The following HNF1A variants were observed in gnomAD, a reference collection of about 807,000 sequenced individuals.
HNF1A encodes the protein HNF1 homeobox A.
A neutral mutation model predicts 62.2 loss-of-function variants in HNF1A; 21 were observed. The ratio of observed to expected loss-of-function variants is 0.34; its 90% confidence interval spans 0.24 to 0.49. The LOEUF is 0.49. HNF1A is among the 20% of genes least tolerant of loss of function. The pLI, the probability that HNF1A is intolerant of heterozygous loss-of-function variation, is 0.99. For synonymous variants in HNF1A, 374 were observed against 366.8 expected (o/e 1.02, Z -0.22); for missense variants, 687 against 832.3 (o/e 0.83, Z 2.15).
At chr12:120,993,426 T>C in intron 2 of HNF1A, 94 bp from the exon 3 acceptor site, 1 of 1,264,154 alleles carries the variant, frequency 7.9e-7, no homozygotes, top group Non-Finnish European at 1.1e-6. Flanking sequence ...TTCAGCGCCA[T>C]GGCAATGAGA....
At position 120,997,360 on chromosome 12, in the gene HNF1A, C is replaced by T. The variant is rs1877161598; in HGVS notation, c.1310-114C>T. The T allele has an allele frequency of 4.4e-6, 6 of 1,349,910 alleles. 1 individual carries two copies. The South Asian group carries it at 8.9e-5, about 20-fold the overall frequency. 83.6% of individuals were successfully genotyped at this position (1,349,910 alleles called of 1,614,324 possible). On this transcript the variant is annotated intron_variant, in intron 6 of 9. Transcript: ENST00000257555. ...GGAGGGCTGTTTCCTGACCACCCTG[C>T]CCCCTCCTCCAAACCACGGGCTCTG... is the stretch of plus-strand genomic sequence containing the variant.
At chr12:120,989,966 C>G (rs974257214) in intron 2 of HNF1A, among the ~76,000 whole-genome samples, 1 of 152,022 alleles carries the variant, frequency 6.6e-6, no homozygotes, top group Non-Finnish European at 1.5e-5. Context: ...GTCAGGAAAT[C>G]CTCCACTGCA....
At chr12:120,979,431 A>G (rs907581595) in intron 1 of HNF1A, among the ~76,000 whole-genome samples, 3 of 152,042 alleles carry the variant, frequency 2.0e-5, no homozygotes, top group African/African-American at 7.2e-5. Context: ...GGTGGTGGAA[A>G]TTTTTAGCCA....
At chr12:120,985,026 G>A (rs1876439722) in intron 1 of HNF1A, among the ~76,000 whole-genome samples, 2 of 149,268 alleles carry the variant, frequency 1.3e-5, no homozygotes, top group African/African-American at 5.0e-5. Flanking sequence ...GCTCATTGCA[G>A]CCCCGACCTC....
intron 1 of HNF1A, among the ~76,000 whole-genome samples, chr12:120,984,266 G>A (rs1456519906): frequency 6.6e-6 from 1 of 152,136 alleles, no homozygotes; most frequent in Non-Finnish European, 1.5e-5. Flanking sequence ...GGTTGCACAT[G>A]TATTTGTGCA....
intron 4 of HNF1A, among the ~76,000 whole-genome samples, chr12:120,994,725 C>T (rs1457261713): frequency 1.3e-5 from 2 of 151,158 alleles, no homozygotes; most frequent in African/African-American, 2.4e-5. Context: ...CACTCCACTC[C>T]GTCCAACTTC....
Position 120,993,579 on chromosome 12 carries a change from A to G in HNF1A, c.586A>G (p.Thr196Ala), listed in dbSNP as rs139712739. The G allele has an allele frequency of 3.6e-4, 580 of 1,614,072 alleles. 1 individual carries two copies. The highest frequency in any genetic ancestry group is 4.5e-4 in the Non-Finnish European group (530 of 1,180,032). The change falls in exon 3 of 10, where the codon ACC (threonine) becomes GCC (alanine). Residue 196 changes from threonine to alanine, a missense_variant. This residue lies in a region of HNF1A where 47 missense variants were observed against 52.5 expected (regional missense o/e 0.90). Transcript: ENST00000257555. ...AGAGCCCACAGGTGATGAGCTACCA[A>G]CCAAGAAGGGGCGGAGGAACCGTTT... ...IEEPTGDELP[T>A]KKGRRNRFKW...
At chr12:120,984,343 T>TGAGA (rs1555210849) in intron 1 of HNF1A, among the ~76,000 whole-genome samples, 3 of 149,300 alleles carry the variant, frequency 2.0e-5, no homozygotes, top group African/African-American at 7.4e-5. Flanking sequence ...AGAATGAGAA[T>TGAGA]GAGAGAGAGA....
rs3751156 is a variant in HNF1A, at chr12:120,996,499, G to T, written c.1108-42G>T. ...GAGCAGTCCCTAGGGAGGCCCTGTGGGGACCCCGGCCCCCCGGACACAGCT... is the reference window on the plus strand; with the variant it reads ...GAGCAGTCCCTAGGGAGGCCCTGTGTGGACCCCGGCCCCCCGGACACAGCT... On this transcript the variant is annotated intron_variant, in intron 5 of 9. Coordinates refer to ENST00000257555, the MANE Select transcript of HNF1A (RefSeq NM_000545.8). This position sits in a 1 kb window ranked among gnomAD's most constrained non-coding sequence, Gnocchi z 4.5. 0.023 allele frequency: 37,860 copies of T among 1,613,064 alleles called. 1,360 individuals are homozygous for T. Among genetic ancestry groups the T allele is most frequent in the East Asian group, 0.17 (7,500 of 44,830 alleles).
At chr12:120,984,672 G>A (rs1490551646) in intron 1 of HNF1A, among the ~76,000 whole-genome samples, 2 of 151,064 alleles carry the variant, frequency 1.3e-5, no homozygotes, top group African/African-American at 4.9e-5. Context: ...AAAGCAGGGA[G>A]ATGAAGGAGA....
intron 2 of HNF1A, among the ~76,000 whole-genome samples, chr12:120,991,288 CTGTTGAAAAAAAAAA>C (rs1468118663): frequency 6.6e-6 from 1 of 152,000 alleles, no homozygotes; most frequent in Admixed American, 6.6e-5. Context: ...GTAAAAATCA[CTGTTGAAAAAAAAAA>C]TGTATGCAGG....
chr12:120,990,273 C>T (rs1876753709), intron 2 of HNF1A, among the ~76,000 whole-genome samples: 1 of 152,120 alleles, frequency 6.6e-6, no homozygotes, highest in Non-Finnish European at 1.5e-5. Flanking sequence ...TCCCGAGTAG[C>T]TGGGACTACA....
chr12:120,979,452 T>TCTCCAGACCTCCAGA (rs1876138374), intron 1 of HNF1A, among the ~76,000 whole-genome samples: 1 of 152,128 alleles, frequency 6.6e-6, no homozygotes, highest in Non-Finnish European at 1.5e-5. Context: ...CTCTGATCAT[T>TCTCCAGACCTCCAGA]TATACTCTCC....
intron 1 of HNF1A, among the ~76,000 whole-genome samples, chr12:120,983,678 T>C (rs1876363130): frequency 6.6e-6 from 1 of 151,988 alleles, no homozygotes; most frequent in African/African-American, 2.4e-5. Context: ...CCTGAGTAGC[T>C]GGGACCACAG....
At position 120,999,613 on chromosome 12, in the gene HNF1A, G is replaced by C. The variant is rs759401462; in HGVS notation, c.1754G>C (p.Ser585Thr). 1.6e-5 allele frequency: 25 copies of C among 1,610,686 alleles called. No homozygotes were observed. Among genetic ancestry groups the C allele is most frequent in the Non-Finnish European group, 1.8e-5 (21 of 1,179,334 alleles). The change falls in exon 9 of 10, where the codon AGC (serine) becomes ACC (threonine). Residue 585 changes from serine to threonine, a missense_variant. Physicochemically the swap from Ser to Thr is moderately conservative, Grantham distance 58. Around this residue, in one of 5 missense-constraint regions of HNF1A, gnomAD observed 408 missense variants for 455.3 expected, o/e 0.90. Transcript: ENST00000257555. ...IQHLQPAHRL[S>T]ASPTVSSSSL... ...CACCTGCAGCCGGCCCACCGGCTCA[G>C]CGCCAGCCCCACAGGTGAGAGGCCC...
chr12:120,988,911 T>A lies in HNF1A; in HGVS notation c.405T>A (p.Asp135Glu), dbSNP rs1356183089. 6.2e-7 allele frequency: 1 copy of A among 1,614,214 alleles called. No individual in the cohort carries two copies. The highest frequency in any genetic ancestry group is 1.3e-5 in the African/African-American group (1 of 75,056). The change falls in exon 2 of 10, where the codon GAT becomes GAA. Residue 135 changes from aspartate to glutamate, a missense_variant. This residue lies in a region of HNF1A where 26 missense variants were observed against 60.7 expected (regional missense o/e 0.43). Transcript: ENST00000257555. ...ACATCCCACAGCGGGAGGTGGTCGA[T>A]ACCACTGGCCTCAACCAGTCCCACC... ...QHNIPQREVVDTTGLNQSHLS... is the reference protein window; with the variant it reads ...QHNIPQREVVETTGLNQSHLS...
At chr12:120,999,243 C>A (rs1877286872) in intron 7 of HNF1A, 25 bp from the exon 8 acceptor site, 1 of 1,613,762 alleles carries the variant, frequency 6.2e-7, no homozygotes, top group Non-Finnish European at 8.5e-7. Flanking sequence ...TCTGCCACGT[C>A]TGCCCCTCTC....
In HNF1A at chr12:120,993,540, G is replaced by A. The variant is rs2135838928; in HGVS notation, c.547G>A (p.Gly183Arg). 1 of 1,614,120 alleles carries A rather than the reference G, an allele frequency of 6.2e-7. No individual in the cohort carries two copies. Among genetic ancestry groups the A allele is most frequent in the Non-Finnish European group, 8.5e-7 (1 of 1,180,016 alleles). The change falls in exon 3 of 10, where the codon GGA becomes AGA. Residue 183 changes from glycine (G) to arginine (R), a missense_variant. This residue lies in a region of HNF1A where 47 missense variants were observed against 52.5 expected (regional missense o/e 0.90). Coordinates refer to ENST00000257555, the MANE Select transcript of HNF1A (RefSeq NM_000545.8). ...TGCAGAGTTCACCCATGCAGGGCAG[G>A]GAGGGCTGATTGAAGAGCCCACAGG... ...VAQQFTHAGQ[G>R]GLIEEPTGDE... is the part of the protein sequence containing the mutation.
In HNF1A at chr12:121,001,097, TC is replaced by T. The variant is rs2135854520; in HGVS notation, c.1802del (p.Ser601Ter). 1.2e-6 allele frequency: 2 copies of T among 1,613,888 alleles called. No individual in the cohort carries two copies. The highest frequency in any genetic ancestry group is 1.7e-6 in the Non-Finnish European group (2 of 1,179,910). On this transcript the variant is annotated frameshift_variant, in exon 10 of 10. Coordinates refer to ENST00000257555, the MANE Select transcript of HNF1A (RefSeq NM_000545.8). LOFTEE classifies it high-confidence loss of function. ...SSSSLVLYQS[S>X]DSSNGQSHLL... ...CAGCAGCCTGGTGCTGTACCAGAGC[TC>T]AGACTCCAGCAATGGCCAGAGCCAC... is the stretch of plus-strand genomic sequence containing the variant.
Sources: gnomAD v4.1 joint callset for allele counts (sites outside exome capture counted in the v4.1 genomes callset) on GRCh38, gnomAD v4.1.1 for gene constraint, gnomAD v4.1.1 regional missense constraint, Gnocchi (gnomAD v3.1) non-coding constraint, MANE v1.5 for transcripts, NCBI Gene and HGNC (gene_info 2026-07-23, HGNC 2026-07-21) for gene names.